UNC80: variants seen among roughly 807,000 people sequenced by gnomAD.
UNC80 encodes the protein protein unc-80 homolog.
A neutral mutation model predicts 384.6 loss-of-function variants in UNC80; 164 were observed. The observed-to-expected ratio is 0.43, with a 90% CI of 0.38 to 0.49. The LOEUF (loss-of-function observed/expected upper bound fraction) is 0.49, where lower values mean the gene tolerates loss of function less well. Ranked by LOEUF, UNC80 falls within the 20% of genes least tolerant of loss-of-function variation. UNC80 has a pLI of 0.00. For missense variants in UNC80, 3,330 were observed against 4,143.0 expected (o/e 0.80, Z 5.39); for synonymous variants, 1,486 against 1,527.8 (o/e 0.97, Z 0.64).
intron 61 of UNC80, among the ~76,000 whole-genome samples, chr2:209,987,533 G>T (rs1404058933): frequency 6.6e-6 from 1 of 152,086 alleles, no homozygotes; most frequent in African/African-American, 2.4e-5. Flanking sequence ...ACATATCCAT[G>T]GACATGTTTT....
intron 31 of UNC80, among the ~76,000 whole-genome samples, chr2:209,915,463 G>A (rs1050999904): frequency 6.7e-6 from 1 of 150,198 alleles, no homozygotes; most frequent in Non-Finnish European, 1.5e-5. Flanking sequence ...TGGGCTTTTT[G>A]GAAAGCCTGA....
intron 7 of UNC80, among the ~76,000 whole-genome samples, chr2:209,794,472 G>T (rs778119607): frequency 6.6e-6 from 1 of 152,236 alleles, no homozygotes; most frequent in East Asian, 1.9e-4. Context: ...TAAAATTATA[G>T]CCTAGTAATA....
chr2:209,955,716 TATATATATATATATATATATATAC>T (rs1559390211), intron 48 of UNC80, among the ~76,000 whole-genome samples: 1 of 80,188 alleles, frequency 1.2e-5, no homozygotes, highest in African/African-American at 7.2e-5. Flanking sequence ...TATATATATA[TATATATATATATATATATATATAC>T]ACACACACAC....
At chr2:209,851,461 G>A (rs1038560212) in intron 22 of UNC80, among the ~76,000 whole-genome samples, 2 of 152,036 alleles carry the variant, frequency 1.3e-5, no homozygotes, top group African/African-American at 4.8e-5. Context: ...GGAAAGGGTG[G>A]TGGTATTTAG....
intron 22 of UNC80, among the ~76,000 whole-genome samples, chr2:209,853,633 AAAACTAAAAAG>A (rs1436734438): frequency 6.6e-6 from 1 of 152,112 alleles, no homozygotes; most frequent in Non-Finnish European, 1.5e-5. Context: ...CTGCAAGTAC[AAAACTAAAAAG>A]AAAATAAAAA....
chr2:209,949,839 T>A (rs1301428472), intron 47 of UNC80, among the ~76,000 whole-genome samples: 4 of 151,790 alleles, frequency 2.6e-5, no homozygotes, highest in African/African-American at 9.7e-5. Flanking sequence ...AGCTTTTTTT[T>A]ATTTTTGAAA....
chr2:209,834,958 C>T lies in UNC80; in HGVS notation c.2989C>T (p.Pro997Ser), dbSNP rs2081242398. The T allele has an allele frequency of 1.3e-6, 2 of 1,551,086 alleles. No individual in the cohort carries two copies. ...IVDKGQVSSA[P>S]EECRSFMSGR... The stretch of plus-strand genomic sequence containing the variant: ...GGATAAAGGCCAGGTATCCTCTGCA[C>T]CTGAGGAATGTCGCAGCTTCATGTC... Residue 997 changes from proline to serine, a missense_variant, in exon 18 of 65, where the codon CCT (proline) becomes TCT (serine). Coordinates refer to ENST00000673920, the MANE Select transcript of UNC80 (RefSeq NM_001371986.1).
intron 16 of UNC80, among the ~76,000 whole-genome samples, chr2:209,832,693 G>A (rs1402508351): frequency 6.6e-6 from 1 of 152,116 alleles, no homozygotes; most frequent in African/African-American, 2.4e-5. Flanking sequence ...ATACAATTTG[G>A]TCATAGCAAA....
In UNC80 at chr2:209,786,158, A is replaced by G. The variant is rs764440362; in HGVS notation, c.693A>G (p.Ala231=). 2 of 1,613,996 alleles carry G rather than the reference A, an allele frequency of 1.2e-6. No homozygotes were observed. The highest frequency in any genetic ancestry group is 1.7e-5 in the Admixed American group (1 of 60,010). ...AGCCCGGAGTCTCTGGCTTTACCGCACTGGTGAAGCCCATCAGGAACATCA... is the reference window on the plus strand; with the variant it reads ...AGCCCGGAGTCTCTGGCTTTACCGCGCTGGTGAAGCCCATCAGGAACATCA... ...HRQPGVSGFT[A]LVKPIRNIIT... is the part of the protein sequence containing the mutation. Residue 231 remains alanine, a synonymous_variant, in exon 5 of 65, where the codon GCA becomes GCG. Transcript: ENST00000673920.
intron 22 of UNC80, among the ~76,000 whole-genome samples, chr2:209,864,663 T>C (rs1465700792): frequency 6.6e-6 from 1 of 152,180 alleles, no homozygotes; most frequent in Non-Finnish European, 1.5e-5. Context: ...GCTGGTGTGT[T>C]GGGCTGTGGG....
chr2:209,797,196 T>C, intron 7 of UNC80, among the ~76,000 whole-genome samples: 1 of 152,200 alleles, frequency 6.6e-6, no homozygotes, highest in East Asian at 1.9e-4. Context: ...TTTCCTTTAT[T>C]TCTTCTAAAG....
At chr2:209,905,014 C>A in intron 29 of UNC80, 49 bp downstream of exon 29, 1 of 1,530,276 alleles carries the variant, frequency 6.5e-7, no homozygotes, top group South Asian at 1.2e-5. Context: ...AACATGATGT[C>A]ATAACAATTT....
chr2:209,825,759 T>C (rs2153828182), intron 13 of UNC80, 148 bp from the exon 14 acceptor site: 1 of 668,558 alleles, frequency 1.5e-6, no homozygotes, highest in South Asian at 3.9e-5. Context: ...AGCGTGTTTG[T>C]TGAGCCCGTT....
chr2:209,829,404 TAGG>T (rs1370197509), intron 15 of UNC80, 25 bp downstream of exon 15: 11 of 1,550,506 alleles, frequency 7.1e-6, no homozygotes, highest in Non-Finnish European at 9.6e-6. Flanking sequence ...ACCCAAGTTC[TAGG>T]AGAAGTCGTT....
At chr2:209,785,796 T>C (rs772718855) in intron 4 of UNC80, among the ~76,000 whole-genome samples, 5 of 152,214 alleles carry the variant, frequency 3.3e-5, no homozygotes, top group Non-Finnish European at 7.3e-5. Context: ...AACAATAGTT[T>C]GTGTATCCCA....
At chr2:209,905,279 A>G (rs1335625326) in intron 29 of UNC80, among the ~76,000 whole-genome samples, 1 of 152,204 alleles carries the variant, frequency 6.6e-6, no homozygotes, top group Non-Finnish European at 1.5e-5. Flanking sequence ...TCACATCCTA[A>G]TCTCTGGAAA....
intron 5 of UNC80, 133 bp from the exon 6 acceptor site, chr2:209,789,399 T>G (rs993664934): frequency 4.8e-6 from 3 of 627,296 alleles, no homozygotes; most frequent in Non-Finnish European, 8.2e-6. Flanking sequence ...TCTCTTACAA[T>G]ATGCGTTAAT....
At chr2:209,815,510 G>C (rs1057251262) in intron 9 of UNC80, 119 bp downstream of exon 9, 13 of 1,077,444 alleles carry the variant, frequency 1.2e-5, no homozygotes, top group South Asian at 1.6e-5. Context: ...CTTAGAAACC[G>C]AAGTCAGCTC....
chr2:209,950,136 G>A (rs1259291737), intron 47 of UNC80, among the ~76,000 whole-genome samples: 1 of 152,072 alleles, frequency 6.6e-6, no homozygotes, highest in Non-Finnish European at 1.5e-5. Flanking sequence ...TGCCTCAGAT[G>A]AGCATTTTGT....
Sources: allele counts gnomAD v4.1 joint callset (sites outside exome capture counted in the v4.1 genomes callset), GRCh38; gene constraint gnomAD v4.1.1; transcripts MANE v1.5; gene names NCBI Gene and HGNC (gene_info 2026-07-23, HGNC 2026-07-21).